Variants in YBEY observed in about 807,000 individuals in gnomAD.
YBEY encodes the protein ybeY metalloendoribonuclease, also known as endoribonuclease YbeY.
Under a neutral mutation model 13.5 loss-of-function variants are expected in YBEY, and 15 were observed. The ratio of observed to expected loss-of-function variants is 1.11; its 90% CI spans 0.75 to 1.72. The LOEUF (loss-of-function observed/expected upper bound fraction) is 1.72, where lower values mean the gene tolerates loss of function less well. Ranked by LOEUF, YBEY falls within the 40% of genes most tolerant of loss-of-function variation. YBEY has a pLI of 0.00. For synonymous variants in YBEY, 101 were observed against 83.1 expected, an observed-to-expected ratio of 1.21 and a Z score of -1.17; for missense variants, 244 against 208.4, an observed-to-expected ratio of 1.17 and a Z score of -1.05.
the YBEY span, among the ~76,000 whole-genome samples, chr21:46,308,912 C>T: frequency 6.6e-6 from 1 of 152,196 alleles, no homozygotes; most frequent in Admixed American, 6.5e-5. Flanking sequence ...CACGTGATGC[C>T]TCCAGACTCT....
chr21:46,298,586 C>G (rs546934782), downstream of YBEY, among the ~76,000 whole-genome samples: 1 of 151,714 alleles, frequency 6.6e-6, no homozygotes, highest in Non-Finnish European at 1.5e-5. Flanking sequence ...CCCGCCACCT[C>G]GCCCGGCTAA....
At chr21:46,312,770 T>C in the YBEY span, among the ~76,000 whole-genome samples, 2 of 152,202 alleles carry the variant, frequency 1.3e-5, no homozygotes, top group Non-Finnish European at 2.9e-5. Context: ...GTTGAGCATC[T>C]GGGGCAGACC....
chr21:46,292,601 C>T lies in YBEY; in HGVS notation c.339+1139C>T, dbSNP rs1254404155. Among the ~76,000 whole-genome samples, 170 of 124,044 alleles carry T rather than the reference C, an allele frequency of 1.4e-3. 1 individual carries two copies. The highest frequency in any genetic ancestry group is 4.7e-3 in the African/African-American group (148 of 31,684). 81.4% of individuals were successfully genotyped at this position (124,044 alleles called of 152,430 possible). A position where few individuals can be genotyped will look rare whatever the true frequency, so the allele number is the denominator to read the frequency against. ...AATTCCTCCCGCGGTTAGCCTGACC[C>T]GTGCCCGGGACTCAGTGGGGACAGC... On this transcript the variant is annotated intron_variant, in intron 3 of 4. Coordinates refer to ENST00000397701, the MANE Select transcript of YBEY (RefSeq NM_001314025.2).
rs1212634538 is a variant in YBEY, at chr21:46,291,335, A to G, written c.212A>G (p.His71Arg). 1.2e-6 allele frequency: 2 copies of G among 1,613,702 alleles called. No homozygotes were observed. Among genetic ancestry groups the G allele is most frequent in the Admixed American group, 1.7e-5 (1 of 59,904 alleles). Residue 71 changes from histidine (H) to arginine (R), a missense_variant and splice_region_variant, in exon 3 of 5, where the codon CAT (histidine) becomes CGT (arginine). Coordinates refer to ENST00000397701, the MANE Select transcript of YBEY (RefSeq NM_001314025.2). ...AGTCTACATTTCCTCATTTTTTAGC[A>G]TCTGAAAGCAGGTGAATTTCCCCAG... The part of the protein sequence containing the change: ...TDVLSFPFHE[H>R]LKAGEFPQPD...
chr21:46,302,470 G>C, downstream of YBEY: 1 of 1,586,830 alleles, frequency 6.3e-7, no homozygotes, highest in Non-Finnish European at 8.6e-7. Flanking sequence ...GGGTTCTGCT[G>C]GGGGCTAAGC....
At chr21:46,287,398 T>G (rs2081496522) in intron 2 of YBEY, among the ~76,000 whole-genome samples, 3 of 143,306 alleles carry the variant, frequency 2.1e-5, no homozygotes, top group South Asian at 4.5e-4. Flanking sequence ...GACGGGGGTT[T>G]TACCATGTTG....
chr21:46,302,213 C>A (rs563229430), downstream of YBEY: 1 of 1,433,528 alleles, frequency 7.0e-7, no homozygotes, highest in Non-Finnish European at 9.1e-7. Context: ...ACCTCCACTC[C>A]CGCCCTGTTC....
chr21:46,298,530 C>G (rs1302831002), downstream of YBEY, among the ~76,000 whole-genome samples: 2 of 148,418 alleles, frequency 1.3e-5, no homozygotes, highest in East Asian at 2.0e-4. Flanking sequence ...CCGGGGTTCA[C>G]GCCATTCTCC....
At chr21:46,301,717 C>A (rs772813904), downstream of YBEY, 1 of 1,193,116 alleles carries the variant, frequency 8.4e-7, no homozygotes, top group Non-Finnish European at 1.0e-6. Flanking sequence ...CGCCGCCCTA[C>A]AGGAAAGGAG....
At chr21:46,312,666 G>A in the YBEY span, among the ~76,000 whole-genome samples, 45,929 of 152,022 alleles carry the variant, frequency 0.3, 7,682 homozygotes, top group Admixed American at 0.41. Flanking sequence ...CACCATGCCC[G>A]GCCTGGTCAG....
Position 46,291,338 on chromosome 21 carries a change from T to C in YBEY, c.215T>C (p.Leu72Pro), listed in dbSNP as rs757278691. 2 of 1,614,094 alleles carry C rather than the reference T, an allele frequency of 1.2e-6. No homozygotes were observed. Among genetic ancestry groups the C allele is most frequent in the Admixed American group, 1.7e-5 (1 of 59,976 alleles). ...DVLSFPFHEH[L>P]KAGEFPQPDF... ...CTACATTTCCTCATTTTTTAGCATCTGAAAGCAGGTGAATTTCCCCAGCCT... is the reference window on the plus strand; with the variant it reads ...CTACATTTCCTCATTTTTTAGCATCCGAAAGCAGGTGAATTTCCCCAGCCT... Residue 72 changes from leucine to proline, a missense_variant, in exon 3 of 5, where the codon CTG becomes CCG. By Grantham distance (98) the Leu-to-Pro change is moderately conservative. Coordinates refer to ENST00000397701, the MANE Select transcript of YBEY (RefSeq NM_001314025.2).
chr21:46,303,735 A>T, the YBEY span, among the ~76,000 whole-genome samples: 45 of 28,108 alleles, frequency 1.6e-3, no homozygotes, highest in Admixed American at 2.6e-3. Context: ...ATATATATAT[A>T]TATATATATA....
chr21:46,309,667 AAG>A, the YBEY span, among the ~76,000 whole-genome samples: 1 of 151,794 alleles, frequency 6.6e-6, no homozygotes, highest in Non-Finnish European at 1.5e-5. Flanking sequence ...CATACAAAAA[AAG>A]AGTACATACT....
chr21:46,300,879 C>CAA, downstream of YBEY: 24 of 912,162 alleles, frequency 2.6e-5, no homozygotes, highest in South Asian at 9.1e-5. Context: ...TAATTGCACC[C>CAA]AAAAAAAAAA....
intron 2 of YBEY, among the ~76,000 whole-genome samples, chr21:46,291,019 G>GAA (rs1232426831): frequency 6.2e-5 from 8 of 129,994 alleles, no homozygotes; most frequent in African/African-American, 8.8e-5. Context: ...TCTGTCTCAG[G>GAA]AAAAAAAAAA....
At position 46,286,886 on chromosome 21, in the gene YBEY, T is replaced by C; in HGVS notation, c.-28T>C. ...TAACCCCAGGTTCCGTTGCAAACAT[T>C]TTTAAAGGGCTGGTTATTCTTCCTG... is the stretch of plus-strand genomic sequence containing the variant. On this transcript the variant is annotated 5_prime_UTR_variant, in exon 2 of 5. Transcript: ENST00000397701. 1 of 1,612,500 alleles carries C rather than the reference T, an allele frequency of 6.2e-7. No individual in the cohort carries two copies. Among genetic ancestry groups the C allele is most frequent in the Non-Finnish European group, 8.5e-7 (1 of 1,179,014 alleles).
the YBEY span, among the ~76,000 whole-genome samples, chr21:46,307,616 G>A: frequency 6.6e-6 from 1 of 152,200 alleles, no homozygotes; most frequent in African/African-American, 2.4e-5. Flanking sequence ...GATCACAATA[G>A]GAAAGGTATC....
downstream of YBEY, chr21:46,300,770 A>AGG (rs1234867533): frequency 2.3e-6 from 3 of 1,289,468 alleles, no homozygotes; most frequent in African/African-American, 1.5e-5. Flanking sequence ...CCTTGTGCGG[A>AGG]ACTTCAGGAA....
chr21:46,303,071 T>G, the YBEY span, among the ~76,000 whole-genome samples: 152,273 of 152,276 alleles, frequency 1, 76,135 homozygotes, highest in Middle Eastern at 1. Context: ...GGCTGAGGCA[T>G]GAGAATCGCT....
Sources: allele counts gnomAD v4.1 joint callset (sites outside exome capture counted in the v4.1 genomes callset), GRCh38; gene constraint gnomAD v4.1.1; transcripts MANE v1.5; gene names NCBI Gene and HGNC (gene_info 2026-07-23, HGNC 2026-07-21).